ATP9B: variants seen among roughly 807,000 people sequenced by gnomAD.
ATP9B encodes probable phospholipid-transporting ATPase IIB.
A neutral mutation model predicts 146.1 loss-of-function variants in ATP9B; 110 were observed. The observed-to-expected ratio is 0.75, with a 90% CI of 0.65 to 0.88. The LOEUF is 0.88. ATP9B is among the 40% of genes least tolerant of loss of function. ATP9B has a pLI of 0.00. For synonymous variants in ATP9B, 604 were observed against 569.7 expected, an observed-to-expected ratio of 1.06 and a Z score of -0.86; for missense variants, 1,499 against 1,496.4, an observed-to-expected ratio of 1.00 and a Z score of -0.03.
At chr18:79,218,591 T>C (rs1337370139) in intron 11 of ATP9B, among the ~76,000 whole-genome samples, 1 of 151,956 alleles carries the variant, frequency 6.6e-6, no homozygotes, top group Non-Finnish European at 1.5e-5. Context: ...TTTCCTCGTG[T>C]TCCGGGTCCG....
chr18:79,263,027 A>G (rs2096160811), intron 12 of ATP9B, among the ~76,000 whole-genome samples: 1 of 152,228 alleles, frequency 6.6e-6, no homozygotes, highest in South Asian at 2.1e-4. Flanking sequence ...TGCACAAGCT[A>G]CTTCAGCAGC....
intron 5 of ATP9B, among the ~76,000 whole-genome samples, chr18:79,137,281 T>G (rs1165194582): frequency 6.6e-6 from 1 of 152,184 alleles, no homozygotes; most frequent in African/African-American, 2.4e-5. Flanking sequence ...ATTGAATGGT[T>G]TTTCTCCTCG....
chr18:79,247,353 A>G (rs2095977923), intron 11 of ATP9B, among the ~76,000 whole-genome samples: 1 of 152,212 alleles, frequency 6.6e-6, no homozygotes, highest in African/African-American at 2.4e-5. Flanking sequence ...ACTTTCTGAC[A>G]TTATGGACAA....
intron 12 of ATP9B, among the ~76,000 whole-genome samples, chr18:79,261,157 G>A (rs2096136802): frequency 1.3e-5 from 2 of 152,100 alleles, no homozygotes; most frequent in East Asian, 1.9e-4. Flanking sequence ...ATAATAGGCC[G>A]AGACATTAGG....
At chr18:79,295,640 A>G (rs1222294828) in intron 13 of ATP9B, among the ~76,000 whole-genome samples, 1 of 152,252 alleles carries the variant, frequency 6.6e-6, no homozygotes, top group African/African-American at 2.4e-5. Flanking sequence ...CTGACAGCAG[A>G]TACGTTACAC....
intron 13 of ATP9B, among the ~76,000 whole-genome samples, chr18:79,292,746 G>GTTTGTTTTGTTTTGT (rs546454521): frequency 6.6e-6 from 1 of 151,900 alleles, no homozygotes; most frequent in African/African-American, 2.4e-5. Flanking sequence ...GAGGTTAGGG[G>GTTTGTTTTGTTTTGT]TTTGTTTTGT....
chr18:79,239,959 C>A lies in ATP9B; in HGVS notation c.1108-13422C>A, dbSNP rs2095873835. Among the ~76,000 whole-genome samples, 1 of 152,200 alleles carries A rather than the reference C, an allele frequency of 6.6e-6. No individual in the cohort carries two copies. Among genetic ancestry groups the A allele is most frequent in the Non-Finnish European group, 1.5e-5 (1 of 68,032 alleles). ...CAGCGGTGACCAGCAGATCACCACG[C>A]CTCAGGGGCCCCACACCCGCGGTCT... On this transcript the variant is annotated intron_variant, in intron 11 of 29. Coordinates refer to ENST00000426216, the MANE Select transcript of ATP9B (RefSeq NM_198531.5). This position sits in a 1 kb window ranked among gnomAD's most constrained non-coding sequence, Gnocchi z 5.1.
chr18:79,071,885 TTTTG>T (rs202239900), intron 1 of ATP9B, among the ~76,000 whole-genome samples: 9 of 66,600 alleles, frequency 1.4e-4, no homozygotes, highest in East Asian at 4.6e-4. Context: ...TCATGTTTGG[TTTTG>T]TTTTTTTTTT....
intron 15 of ATP9B, among the ~76,000 whole-genome samples, chr18:79,320,277 G>A (rs1599937584): frequency 6.6e-6 from 1 of 152,196 alleles, no homozygotes; most frequent in African/African-American, 2.4e-5. Flanking sequence ...TGGGAGTGTT[G>A]GTCCCTAGAA....
chr18:79,252,796 GC>G (rs1348896652), intron 11 of ATP9B, among the ~76,000 whole-genome samples: 6 of 140,590 alleles, frequency 4.3e-5, no homozygotes, highest in Admixed American at 3.5e-4. Flanking sequence ...GCTAACTATT[GC>G]TTTTTTTTTT....
rs1356222387 is a variant in ATP9B, at chr18:79,069,451, C to T, written c.41C>T (p.Ala14Val). 5 of 1,513,090 alleles carry T rather than the reference C, an allele frequency of 3.3e-6. No individual in the cohort carries two copies. Among genetic ancestry groups the T allele is most frequent in the Non-Finnish European group, 3.5e-6 (4 of 1,134,244 alleles). The allele number at this position is 1,513,090 out of a possible 1,614,324, so 93.7% of individuals were successfully genotyped here. The change falls in exon 1 of 30, where the codon GCG becomes GTG. Residue 14 changes from alanine to valine, a missense_variant. Transcript: ENST00000426216. The stretch of plus-strand genomic sequence containing the variant: ...CCGCTTTACCCGGTGCGTAGCGCAG[C>T]GGCGGCCGCAGCCAACCGCAAACGC... ...QIPLYPVRSA[A>V]AAAANRKRAA... is the part of the protein sequence containing the mutation.
rs1290564095 is a variant in ATP9B at position 79,126,358 on chromosome 18, G to A, written c.650G>A (p.Ser217Asn). The A allele has an allele frequency of 8.1e-6, 13 of 1,610,378 alleles. No individual in the cohort carries two copies. The highest frequency in any genetic ancestry group is 1.0e-5 in the Non-Finnish European group (12 of 1,177,608). The stretch of plus-strand genomic sequence containing the variant: ...AAGGAAGTGAATTCACAACTATATA[G>A]CAAGCTTACAGTAAGAGGTCAGCAA... ...RDKEVNSQLYSKLTVRGKVQV... is the reference protein window; with the variant it reads ...RDKEVNSQLYNKLTVRGKVQV... Residue 217 changes from serine to asparagine, a missense_variant, in exon 5 of 30, where the codon AGC (serine) becomes AAC (asparagine). Coordinates refer to ENST00000426216, the MANE Select transcript of ATP9B (RefSeq NM_198531.5).
At chr18:79,171,636 G>T (rs1440665714) in intron 7 of ATP9B, among the ~76,000 whole-genome samples, 1 of 152,132 alleles carries the variant, frequency 6.6e-6, no homozygotes, top group East Asian at 1.9e-4. Context: ...TACAGTGTGT[G>T]CGCGTAAGGC....
intron 11 of ATP9B, among the ~76,000 whole-genome samples, chr18:79,219,747 C>A (rs1376796553): frequency 6.6e-6 from 1 of 151,932 alleles, no homozygotes; most frequent in Non-Finnish European, 1.5e-5. Context: ...ATAGCAGGAC[C>A]CTGACAATTC....
rs200586133 is a variant in ATP9B at position 79,253,504 on chromosome 18, C to T, written c.1231C>T (p.Arg411Trp). 9.3e-5 allele frequency: 150 copies of T among 1,605,884 alleles called. 1 individual carries two copies. The Admixed American group carries it at 1.1e-3, about 11-fold the overall frequency. Residue 411 changes from arginine (R) to tryptophan (W), a missense_variant, in exon 12 of 30, where the codon CGG (arginine) becomes TGG (tryptophan). Transcript: ENST00000426216. ...FVGPWYRNLF[R>W]FLLLFSYIIP... is the part of the protein sequence containing the mutation. ...GGGTCCATGGTACCGCAATCTTTTT[C>T]GGTTCCTTCTCCTCTTTTCTTACAT...
intron 3 of ATP9B, among the ~76,000 whole-genome samples, chr18:79,112,302 G>A (rs2147001521): frequency 6.6e-6 from 1 of 152,244 alleles, no homozygotes; most frequent in South Asian, 2.1e-4. Flanking sequence ...GTAGTGTGCT[G>A]TTTGAATTAT....
At chr18:79,225,509 T>C (rs1286519924) in intron 11 of ATP9B, among the ~76,000 whole-genome samples, 1 of 152,240 alleles carries the variant, frequency 6.6e-6, no homozygotes, top group Non-Finnish European at 1.5e-5. Context: ...GTCTTCATCA[T>C]GGGGACGTCC....
chr18:79,348,278 G>A (rs1015477231), intron 25 of ATP9B, 82 bp downstream of exon 25: 31 of 1,205,386 alleles, frequency 2.6e-5, no homozygotes, highest in Non-Finnish European at 3.2e-5. Context: ...AACAAAAAAC[G>A]TATATAGAAG....
intron 12 of ATP9B, among the ~76,000 whole-genome samples, chr18:79,263,480 C>G (rs766222464): frequency 6.6e-6 from 1 of 152,208 alleles, no homozygotes; most frequent in Non-Finnish European, 1.5e-5. Context: ...ACAGTTCAAA[C>G]CTGTGTTGTT....
Sources: gnomAD v4.1 joint callset for allele counts (sites outside exome capture counted in the v4.1 genomes callset) on GRCh38, gnomAD v4.1.1 for gene constraint, Gnocchi (gnomAD v3.1) non-coding constraint, MANE v1.5 for transcripts, NCBI Gene and HGNC (gene_info 2026-07-23, HGNC 2026-07-21) for gene names.